USP15: variants seen among roughly 807,000 people sequenced by gnomAD.
USP15 encodes ubiquitin carboxyl-terminal hydrolase 15.
A neutral mutation model predicts 127.1 loss-of-function variants in USP15; 18 were observed. That is an observed-to-expected ratio of 0.14 (90% CI 0.10 to 0.21). The LOEUF (loss-of-function observed/expected upper bound fraction) is 0.21, where lower values mean the gene tolerates loss of function less well. Ranked by LOEUF, USP15 falls within the 10% of genes least tolerant of loss-of-function variation. USP15 has a pLI of 1.00. For synonymous variants in USP15, 364 were observed against 393.7 expected, an observed-to-expected ratio of 0.92 and a Z score of 0.89; for missense variants, 805 against 1,159.9, an observed-to-expected ratio of 0.69 and a Z score of 4.44.
At chr12:62,271,575 A>G (rs1301420961) in intron 1 of USP15, among the ~76,000 whole-genome samples, 1 of 151,956 alleles carries the variant, frequency 6.6e-6, no homozygotes, top group African/African-American at 2.4e-5. Context: ...TTATTTTTAT[A>G]TTGTTAATAC....
intron 6 of USP15, among the ~76,000 whole-genome samples, chr12:62,334,754 A>G (rs181717876): frequency 5.3e-5 from 8 of 152,312 alleles, no homozygotes; most frequent in Admixed American, 3.3e-4. Context: ...AAATCTTTAA[A>G]TAACTGTTTT....
intron 19 of USP15, among the ~76,000 whole-genome samples, chr12:62,394,667 G>GC (rs1296104026): frequency 6.6e-6 from 1 of 152,060 alleles, no homozygotes; most frequent in East Asian, 1.9e-4. Context: ...AGCCAACGTG[G>GC]TGAAACCCCA....
chr12:62,289,215 C>CTTGTTG (rs143937716), intron 1 of USP15, among the ~76,000 whole-genome samples: 32,304 of 150,542 alleles, frequency 0.21, 3,730 homozygotes, highest in African/African-American at 0.32. Context: ...CTCTCCTGAG[C>CTTGTTG]TTGTTGTTGT....
At chr12:62,264,913 G>C (rs903817935) in intron 1 of USP15, among the ~76,000 whole-genome samples, 1 of 152,124 alleles carries the variant, frequency 6.6e-6, no homozygotes, top group Admixed American at 6.5e-5. Flanking sequence ...ATCATTTATA[G>C]GAAATGAAAC....
intron 8 of USP15, among the ~76,000 whole-genome samples, chr12:62,359,447 A>G (rs1390362518): frequency 6.6e-6 from 1 of 152,142 alleles, no homozygotes; most frequent in Non-Finnish European, 1.5e-5. Flanking sequence ...TGTAAGGGTT[A>G]CGTGAGTTGA....
intron 11 of USP15, among the ~76,000 whole-genome samples, chr12:62,385,222 CTACT>C (rs1414425673): frequency 6.6e-6 from 1 of 151,840 alleles, no homozygotes; most frequent in African/African-American, 2.4e-5. Flanking sequence ...AACTATGCAC[CTACT>C]AAGTATAAAG....
At chr12:62,347,055 AT>A (rs1299921531) in intron 6 of USP15, among the ~76,000 whole-genome samples, 4 of 151,532 alleles carry the variant, frequency 2.6e-5, no homozygotes, top group Non-Finnish European at 5.9e-5. Context: ...CTTATATGTC[AT>A]TTTTTCCTAT....
At chr12:62,316,346 T>C (rs1219590562) in intron 4 of USP15, among the ~76,000 whole-genome samples, 1 of 151,458 alleles carries the variant, frequency 6.6e-6, no homozygotes, top group Non-Finnish European at 1.5e-5. Context: ...AGATAAGGAA[T>C]TTCATATGTA....
At chr12:62,332,646 A>T (rs924421216) in intron 6 of USP15, among the ~76,000 whole-genome samples, 2 of 152,184 alleles carry the variant, frequency 1.3e-5, no homozygotes, top group Non-Finnish European at 2.9e-5. Context: ...AGAGTCATTG[A>T]TGATTTTGAA....
chr12:62,270,154 A>G (rs1196151418), intron 1 of USP15, among the ~76,000 whole-genome samples: 1 of 151,904 alleles, frequency 6.6e-6, no homozygotes, highest in African/African-American at 2.4e-5. Flanking sequence ...TCACCTGCTT[A>G]TTGGCCATTT....
intron 8 of USP15, among the ~76,000 whole-genome samples, chr12:62,364,604 C>T (rs911052023): frequency 8.6e-5 from 13 of 151,754 alleles, no homozygotes; most frequent in African/African-American, 1.7e-4. Context: ...GGTACATGTG[C>T]GCAAAATGCA....
At position 62,278,151 on chromosome 12, in the gene USP15, C is replaced by T. The variant is rs570352555; in HGVS notation, c.90-16028C>T. The stretch of plus-strand genomic sequence containing the variant: ...AAACACACATTAACCTAGGCCTGCA[C>T]AGTCAGGGTGATCAGTATCACTGTC... On this transcript the variant is annotated intron_variant, in intron 1 of 21. Coordinates refer to ENST00000280377, the MANE Select transcript of USP15 (RefSeq NM_001252078.2). Among the ~76,000 whole-genome samples, 6 of 152,246 alleles carry T rather than the reference C, an allele frequency of 3.9e-5. No homozygotes were observed. The South Asian group carries it at 1.0e-3, about 26-fold the overall frequency.
At chr12:62,369,522 C>T (rs941712905) in intron 8 of USP15, among the ~76,000 whole-genome samples, 4 of 151,376 alleles carry the variant, frequency 2.6e-5, no homozygotes. Flanking sequence ...GCTGTCGATG[C>T]TTTTTCACAC....
At chr12:62,280,498 C>T (rs1447169811) in intron 1 of USP15, among the ~76,000 whole-genome samples, 1 of 152,144 alleles carries the variant, frequency 6.6e-6, no homozygotes, top group Non-Finnish European at 1.5e-5. Context: ...GAGGACACAG[C>T]ATACTTTCTG....
chr12:62,273,425 AT>A (rs2063395054), intron 1 of USP15, among the ~76,000 whole-genome samples: 1 of 152,046 alleles, frequency 6.6e-6, no homozygotes, highest in African/African-American at 2.4e-5. Context: ...CATATGAAGT[AT>A]TTTTTGAATG....
rs1421689713 is a variant in USP15 at position 62,411,395 on chromosome 12, A to T, written c.*7020A>T. On this transcript the variant is annotated 3_prime_UTR_variant, in exon 22 of 22. Transcript: ENST00000280377. ...TTCATCAAATATTTTTTGAGTGTCCACTATGTGCCAGGCACTATTCTAGAT... is the reference window on the plus strand; with the variant it reads ...TTCATCAAATATTTTTTGAGTGTCCTCTATGTGCCAGGCACTATTCTAGAT... 6.6e-6 allele frequency: 1 copy of T among 152,202 alleles called. No individual in the cohort carries two copies. The highest frequency in any genetic ancestry group is 6.6e-5 in the Admixed American group (1 of 15,266). The allele number at this position is 152,202 out of a possible 1,614,324, so 9.4% of individuals were successfully genotyped here.
chr12:62,330,971 A>T (rs1164109477), intron 6 of USP15, among the ~76,000 whole-genome samples: 1 of 151,758 alleles, frequency 6.6e-6, no homozygotes, highest in African/African-American at 2.4e-5. Flanking sequence ...TGTTATAAGC[A>T]CATGATGTTA....
chr12:62,270,511 TG>T (rs1565803475), intron 1 of USP15, among the ~76,000 whole-genome samples: 1 of 152,146 alleles, frequency 6.6e-6, no homozygotes, highest in Admixed American at 6.6e-5. Context: ...CATTTAAGTC[TG>T]TAATTCAATC....
At chr12:62,402,391 CTATTAAATACCTTACTATG>C in intron 21 of USP15, among the ~76,000 whole-genome samples, 1 of 151,922 alleles carries the variant, frequency 6.6e-6, no homozygotes. Flanking sequence ...ATGATAAGTA[CTATTAAATACCTTACTATG>C]GCCACTTAGA....
Sources: allele counts gnomAD v4.1 joint callset (sites outside exome capture counted in the v4.1 genomes callset), GRCh38; gene constraint gnomAD v4.1.1; transcripts MANE v1.5; gene names NCBI Gene and HGNC (gene_info 2026-07-23, HGNC 2026-07-21).